The following TRPM6 variants were observed in gnomAD, a reference collection of about 807,000 sequenced individuals.
The protein encoded by TRPM6 is transient receptor potential cation channel subfamily M member 6.
TRPM6 carries 111 observed loss-of-function variants against 247.6 expected under a neutral mutation model. That is an observed-to-expected ratio of 0.45 (90% CI 0.38 to 0.52). The LOEUF (loss-of-function observed/expected upper bound fraction) is 0.52, where lower values mean the gene tolerates loss of function less well. TRPM6 is among the 20% of genes least tolerant of loss of function. TRPM6 has a pLI of 0.00. For synonymous variants in TRPM6, 892 were observed against 853.8 expected (o/e 1.04, Z -0.78); for missense variants, 2,126 against 2,421.5 (o/e 0.88, Z 2.56).
chr9:74,830,488 C>T lies in TRPM6; in HGVS notation c.670-2539G>A, dbSNP rs544698307. On this transcript the variant is annotated intron_variant, in intron 6 of 38. Transcript: ENST00000360774. ...TGGGATCACTGCAACCTCTGCCTCC[C>T]GGGCTCGAGCGATCCTCCCACCTCA... is the stretch of plus-strand genomic sequence containing the variant. Among the ~76,000 whole-genome samples, 35 of 152,094 alleles carry T rather than the reference C, an allele frequency of 2.3e-4. No homozygotes were observed. In the East Asian group the frequency reaches 2.7e-3, roughly 12 times the overall value.
At chr9:74,870,641 G>A (rs530064162) in intron 1 of TRPM6, among the ~76,000 whole-genome samples, 1 of 152,108 alleles carries the variant, frequency 6.6e-6, no homozygotes, top group Non-Finnish European at 1.5e-5. Context: ...GGCACTCCAC[G>A]GGCTGGGCGC....
chr9:74,862,514 A>G (rs1830719407), intron 1 of TRPM6, among the ~76,000 whole-genome samples: 1 of 152,204 alleles, frequency 6.6e-6, no homozygotes, highest in South Asian at 2.1e-4. Context: ...CAGATTTTAT[A>G]TCTAATCTTT....
At chr9:74,726,612 A>G (rs1825335686) in intron 38 of TRPM6, among the ~76,000 whole-genome samples, 1 of 152,252 alleles carries the variant, frequency 6.6e-6, no homozygotes, top group Non-Finnish European at 1.5e-5. Context: ...AAGGATTGGA[A>G]GTAGTGAGTT....
chr9:74,884,504 T>G, intron 1 of TRPM6, among the ~76,000 whole-genome samples: 1 of 148,100 alleles, frequency 6.8e-6, no homozygotes, highest in African/African-American at 2.5e-5. Context: ...TAAATACATA[T>G]ATACATACAT....
At chr9:74,876,922 A>G (rs996381863) in intron 1 of TRPM6, among the ~76,000 whole-genome samples, 1 of 152,248 alleles carries the variant, frequency 6.6e-6, no homozygotes, top group African/African-American at 2.4e-5. Context: ...TGGATCAAAA[A>G]TAAGTGCCAC....
At chr9:74,736,196 T>C (rs1484682885) in intron 36 of TRPM6, among the ~76,000 whole-genome samples, 2 of 152,178 alleles carry the variant, frequency 1.3e-5, no homozygotes, top group Admixed American at 6.5e-5. Flanking sequence ...TGCCTAATAC[T>C]ATTTTCCCCA....
intron 1 of TRPM6, among the ~76,000 whole-genome samples, chr9:74,870,074 A>G (rs1251903374): frequency 1.3e-5 from 2 of 152,188 alleles, no homozygotes; most frequent in Admixed American, 1.3e-4. Context: ...CCCCCTTTTT[A>G]TTACCCACAC....
intron 6 of TRPM6, among the ~76,000 whole-genome samples, 198 bp downstream of exon 6, chr9:74,833,800 A>T (rs1012329853): frequency 6.6e-6 from 1 of 152,206 alleles, no homozygotes; most frequent in African/African-American, 2.4e-5. Context: ...GATTAGTCCA[A>T]GGCTTTTGAC....
intron 1 of TRPM6, among the ~76,000 whole-genome samples, chr9:74,880,011 G>T (rs1205340523): frequency 2.6e-5 from 4 of 152,018 alleles, no homozygotes; most frequent in African/African-American, 9.7e-5. Flanking sequence ...TGTCAGAACT[G>T]AATTGGAAGA....
intron 1 of TRPM6, among the ~76,000 whole-genome samples, chr9:74,882,704 G>C (rs1467074381): frequency 2.0e-5 from 3 of 152,140 alleles, no homozygotes; most frequent in African/African-American, 7.2e-5. Flanking sequence ...AGTAATGGAG[G>C]TTCCTCCAAA....
intron 5 of TRPM6, among the ~76,000 whole-genome samples, chr9:74,835,110 T>C (rs1829680684): frequency 6.6e-6 from 1 of 152,206 alleles, no homozygotes; most frequent in African/African-American, 2.4e-5. Context: ...TTCCTGACTT[T>C]TTAATAATCA....
intron 27 of TRPM6, among the ~76,000 whole-genome samples, chr9:74,756,421 T>G (rs964166737): frequency 1.3e-5 from 2 of 152,188 alleles, no homozygotes; most frequent in African/African-American, 4.8e-5. Flanking sequence ...GAATTGCTAC[T>G]TGAGATCTAA....
chr9:74,842,318 C>G lies in TRPM6; in HGVS notation c.178G>C (p.Asp60His). 1 of 1,614,104 alleles carries G rather than the reference C, an allele frequency of 6.2e-7. No homozygotes were observed. Among genetic ancestry groups the G allele is most frequent in the Non-Finnish European group, 8.5e-7 (1 of 1,180,020 alleles). The stretch of plus-strand genomic sequence containing the variant: ...CAGGAATAATCTATCCCAGCATGGT[C>G]TCCAATCAGTCGGCCACAGTAACAC... ...IRCYCGRLIG[D>H]HAGIDYSWTI... Residue 60 changes from aspartate (D) to histidine (H), a missense_variant, in exon 4 of 39, where the codon GAC (aspartate) becomes CAC (histidine). Asp to His is a moderately conservative substitution (Grantham distance 81). Transcript: ENST00000360774.
chr9:74,791,276 C>T (rs989165547), intron 19 of TRPM6, among the ~76,000 whole-genome samples: 55 of 152,224 alleles, frequency 3.6e-4, no homozygotes, highest in African/African-American at 4.3e-4. Flanking sequence ...TACACAGCTA[C>T]GTACTTATTC....
rs79289883 is a variant in TRPM6 at position 74,787,574 on chromosome 9, C to A, written c.2667+1040G>T. On this transcript the variant is annotated intron_variant, in intron 20 of 38. Coordinates refer to ENST00000360774, the MANE Select transcript of TRPM6 (RefSeq NM_017662.5). ...ATAGGTATAATTACAAAGAAGTATACAATGTTGGTTATATTACCTCTAAGA... is the reference window on the plus strand; with the variant it reads ...ATAGGTATAATTACAAAGAAGTATAAAATGTTGGTTATATTACCTCTAAGA... Among the ~76,000 whole-genome samples, 1,253 of 152,176 alleles carry A rather than the reference C, an allele frequency of 8.2e-3. 11 individuals carry two copies. Among genetic ancestry groups the A allele is most frequent in the Non-Finnish European group, 0.013 (856 of 68,006 alleles).
chr9:74,804,218 G>A (rs1175131109), intron 14 of TRPM6, among the ~76,000 whole-genome samples: 2 of 152,132 alleles, frequency 1.3e-5, no homozygotes, highest in African/African-American at 2.4e-5. Flanking sequence ...TCCCTGGAAC[G>A]AGTTCAAAAT....
rs1827635016 is a variant in TRPM6 at position 74,785,767 on chromosome 9, C to T, written c.2919+107G>A. On this transcript the variant is annotated intron_variant, in intron 21 of 38. Coordinates refer to ENST00000360774, the MANE Select transcript of TRPM6 (RefSeq NM_017662.5). ...CTTGATCTCCTGACCTTGTGATCCG[C>T]CCGCCTTGGCCTCCCAAAGTGCTGG... is the stretch of plus-strand genomic sequence containing the variant. The T allele has an allele frequency of 3.7e-5, 46 of 1,258,822 alleles. 1 individual carries two copies. In the South Asian group the frequency reaches 5.3e-4, roughly 15 times the overall value. The allele number at this position is 1,258,822 out of a possible 1,614,324, so 78.0% of individuals were successfully genotyped here. A position where few individuals can be genotyped will look rare whatever the true frequency, so the allele number is the denominator to read the frequency against.
intron 11 of TRPM6, among the ~76,000 whole-genome samples, chr9:74,813,663 G>C (rs564778628): frequency 1.3e-5 from 2 of 152,100 alleles, no homozygotes; most frequent in African/African-American, 4.8e-5. Context: ...AATTTCCAAA[G>C]AGTTTTTTAT....
intron 18 of TRPM6, among the ~76,000 whole-genome samples, chr9:74,794,064 T>C (rs1378688286): frequency 2.0e-5 from 3 of 151,956 alleles, no homozygotes; most frequent in Admixed American, 1.3e-4. Flanking sequence ...ATTTATAGCC[T>C]GGCTACCTTT....
Sources: allele counts gnomAD v4.1 joint callset (sites outside exome capture counted in the v4.1 genomes callset), GRCh38; gene constraint gnomAD v4.1.1; transcripts MANE v1.5; gene names NCBI Gene and HGNC (gene_info 2026-07-23, HGNC 2026-07-21).